The following DISC1 variants were observed in gnomAD, a reference collection of about 807,000 sequenced individuals.
DISC1 encodes the protein disrupted in schizophrenia 1 protein.
A neutral mutation model predicts 84.5 loss-of-function variants in DISC1; 57 were observed. The ratio of observed to expected loss-of-function variants is 0.67; its 90% CI spans 0.55 to 0.84. DISC1 has a LOEUF of 0.84. Ranked by LOEUF, DISC1 falls within the 40% of genes least tolerant of loss-of-function variation. DISC1 has a pLI of 0.00. For missense variants in DISC1, 1,000 were observed against 1,057.8 expected, an observed-to-expected ratio of 0.95 and a Z score of 0.76; for synonymous variants, 411 against 415.2, an observed-to-expected ratio of 0.99 and a Z score of 0.12.
At chr1:231,723,089 G>A (rs990142899) in intron 3 of DISC1, 3 of 1,005,224 alleles carry the variant, frequency 3.0e-6, no homozygotes, top group South Asian at 4.1e-5. Context: ...ATTCCAGGAC[G>A]CCTGTGGATA....
intron 10 of DISC1, among the ~76,000 whole-genome samples, chr1:231,992,058 C>A (rs936209199): frequency 5.9e-5 from 9 of 152,132 alleles, no homozygotes; most frequent in Non-Finnish European, 1.3e-4. Flanking sequence ...TCTCATGCTG[C>A]AATGATCATC....
intron 1 of DISC1, among the ~76,000 whole-genome samples, chr1:231,693,575 G>A (rs1310352107): frequency 3.3e-5 from 5 of 152,196 alleles, no homozygotes; most frequent in African/African-American, 1.2e-4. Flanking sequence ...ATAGCGTACA[G>A]CAGTGCCAGC....
intron 9 of DISC1, among the ~76,000 whole-genome samples, chr1:231,911,938 A>C (rs562786684): frequency 2.6e-5 from 4 of 152,226 alleles, no homozygotes; most frequent in South Asian, 4.1e-4. Context: ...TCAATCACTG[A>C]TACCCTTTCT....
At chr1:231,976,855 G>C (rs1038227401) in intron 10 of DISC1, among the ~76,000 whole-genome samples, 2 of 152,186 alleles carry the variant, frequency 1.3e-5, no homozygotes, top group Non-Finnish European at 2.9e-5. Context: ...GAAAATGACA[G>C]GCAGTGATAG....
chr1:231,755,015 C>A (rs2074983834), intron 4 of DISC1, among the ~76,000 whole-genome samples: 1 of 152,164 alleles, frequency 6.6e-6, no homozygotes, highest in Admixed American at 6.5e-5. Flanking sequence ...CAATGACTTT[C>A]TATTTGCTAA....
In DISC1 at chr1:232,021,688, G is replaced by A. The variant is rs7536092; in HGVS notation, c.2308-4747G>A. Among the ~76,000 whole-genome samples, 357 of 152,278 alleles carry A rather than the reference G, an allele frequency of 2.3e-3. 2 individuals carry two copies. Among genetic ancestry groups the A allele is most frequent in the African/African-American group, 8.3e-3 (346 of 41,542 alleles). On this transcript the variant is annotated intron_variant, in intron 11 of 12. Coordinates refer to ENST00000439617, the MANE Select transcript of DISC1 (RefSeq NM_018662.3). The stretch of plus-strand genomic sequence containing the variant: ...GAGGTTCTGTGTAGGGACAACCCAT[G>A]TAAGGCCCCTGTTTTACCTACTATG...
At chr1:231,719,474 A>C (rs528991716) in intron 3 of DISC1, among the ~76,000 whole-genome samples, 1 of 152,336 alleles carries the variant, frequency 6.6e-6, no homozygotes, top group South Asian at 2.1e-4. Context: ...CTTGTTAAAA[A>C]CCTGACTGCA....
intron 9 of DISC1, among the ~76,000 whole-genome samples, chr1:231,934,741 C>T (rs1409232682): frequency 6.6e-6 from 1 of 152,144 alleles, no homozygotes; most frequent in Non-Finnish European, 1.5e-5. Context: ...ATCAGGTGGA[C>T]AAATTGTTCC....
chr1:231,696,660 G>A lies in DISC1; in HGVS notation c.1047+1855G>A, dbSNP rs369983041. On this transcript the variant is annotated intron_variant, in intron 2 of 12. Transcript: ENST00000439617. Reference sequence around the variant, plus strand: ...TGGTCCTGTGAGATTATCGTACTGTGTTTTTGTTGTACCCTTTCTATGTTC... The same window carrying A: ...TGGTCCTGTGAGATTATCGTACTGTATTTTTGTTGTACCCTTTCTATGTTC... Among the ~76,000 whole-genome samples, 100 of 152,326 alleles carry A rather than the reference G, an allele frequency of 6.6e-4. No homozygotes were observed. In the South Asian group the frequency reaches 0.011, roughly 17 times the overall value.
intron 1 of DISC1, among the ~76,000 whole-genome samples, chr1:231,685,283 A>T (rs2064133678): frequency 6.6e-6 from 1 of 152,156 alleles, no homozygotes; most frequent in South Asian, 2.1e-4. Flanking sequence ...AGACATATAC[A>T]CATTTGGATT....
At chr1:231,631,580 G>A (rs2058712943) in intron 1 of DISC1, among the ~76,000 whole-genome samples, 1 of 152,042 alleles carries the variant, frequency 6.6e-6, no homozygotes, top group Non-Finnish European at 1.5e-5. Flanking sequence ...GCTAGTGTGT[G>A]TGTTTGTGTC....
At chr1:231,783,711 C>T (rs137858178) in intron 6 of DISC1, among the ~76,000 whole-genome samples, 46 of 152,234 alleles carry the variant, frequency 3.0e-4, no homozygotes, top group South Asian at 1.7e-3. Context: ...AGAGATGGCA[C>T]GGGGTGAGGG....
Position 231,722,882 on chromosome 1 carries a change from C to T in DISC1, c.1117+20858C>T, listed in dbSNP as rs185708757. On this transcript the variant is annotated intron_variant, in intron 3 of 12. Transcript: ENST00000439617. ...GTCCCCTGTCATGGCATGAAAAAAC[C>T]GCTATTGTTCTGTGTTGGGACAATT... The T allele has an allele frequency of 1.3e-4, 174 of 1,369,006 alleles. 1 individual carries two copies. In the East Asian group the frequency reaches 2.2e-3, roughly 17 times the overall value. The allele number at this position is 1,369,006 out of a possible 1,614,324, so 84.8% of individuals were successfully genotyped here. A position where few individuals can be genotyped will look rare whatever the true frequency, so the allele number is the denominator to read the frequency against.
intron 9 of DISC1, among the ~76,000 whole-genome samples, chr1:231,871,337 C>A (rs562036611): frequency 6.6e-6 from 1 of 152,230 alleles, no homozygotes. Context: ...GGAAGGGGAC[C>A]CACTCTGGGC....
intron 9 of DISC1, among the ~76,000 whole-genome samples, chr1:231,895,093 T>C (rs1173984591): frequency 1.3e-5 from 2 of 151,500 alleles, no homozygotes; most frequent in East Asian, 3.9e-4. Context: ...CTGTTTTTTT[T>C]TTCTTTTTTG....
At chr1:231,845,121 G>T (rs1363735210) in intron 9 of DISC1, among the ~76,000 whole-genome samples, 1 of 152,058 alleles carries the variant, frequency 6.6e-6, no homozygotes, top group East Asian at 1.9e-4. Context: ...TAATACCGGA[G>T]GTTATATTGA....
chr1:231,737,329 T>G (rs774154499), intron 3 of DISC1, among the ~76,000 whole-genome samples: 11 of 152,254 alleles, frequency 7.2e-5, no homozygotes, highest in Non-Finnish European at 1.6e-4. Context: ...TCAGCCATGC[T>G]TATAAAATGC....
chr1:231,903,679 A>G (rs928898924), intron 9 of DISC1, among the ~76,000 whole-genome samples: 4 of 152,192 alleles, frequency 2.6e-5, no homozygotes, highest in African/African-American at 9.6e-5. Context: ...AGGGAGCCTC[A>G]AGGCCTTTAG....
intron 10 of DISC1, among the ~76,000 whole-genome samples, chr1:231,989,286 C>G (rs1664871442): frequency 6.6e-6 from 1 of 152,222 alleles, no homozygotes; most frequent in Non-Finnish European, 1.5e-5. Context: ...TCCACCCATG[C>G]TGCAGGTCCT....
Sources: allele counts gnomAD v4.1 joint callset (sites outside exome capture counted in the v4.1 genomes callset), GRCh38; gene constraint gnomAD v4.1.1; transcripts MANE v1.5; gene names NCBI Gene and HGNC (gene_info 2026-07-23, HGNC 2026-07-21).